The following GRM7 variants were observed in gnomAD, a reference collection of about 807,000 sequenced individuals.
GRM7 encodes glutamate metabotropic receptor 7.
Under a neutral mutation model 84.5 loss-of-function variants are expected in GRM7, and 35 were observed. That is an observed-to-expected ratio of 0.41 (90% confidence interval 0.32 to 0.55). The LOEUF (loss-of-function observed/expected upper bound fraction) is 0.55, where lower values mean the gene tolerates loss of function less well. Among genes scored for constraint, GRM7 ranks in the 20% least tolerant of loss-of-function variants. The pLI, the probability that GRM7 is intolerant of heterozygous loss-of-function variation, is 0.19. For missense variants in GRM7, 1,003 were observed against 1,194.6 expected, an observed-to-expected ratio of 0.84 and a Z score of 2.36; for synonymous variants, 487 against 455.1, an observed-to-expected ratio of 1.07 and a Z score of -0.89.
intron 5 of GRM7, among the ~76,000 whole-genome samples, chr3:7,451,167 A>G (rs1216574871): frequency 6.6e-6 from 1 of 152,216 alleles, no homozygotes; most frequent in Non-Finnish European, 1.5e-5. Context: ...TAGAGGGACA[A>G]GAGGTCTAGA....
At chr3:7,220,591 G>A (rs1696768154) in intron 2 of GRM7, among the ~76,000 whole-genome samples, 2 of 152,064 alleles carry the variant, frequency 1.3e-5, no homozygotes, top group Non-Finnish European at 2.9e-5. Context: ...AATTGGATTA[G>A]GAAAAGGGCA....
intron 4 of GRM7, among the ~76,000 whole-genome samples, chr3:7,410,612 C>CAG (rs1553585487): frequency 3.4e-5 from 5 of 149,184 alleles, no homozygotes; most frequent in Admixed American, 3.3e-4. Context: ...CACACACACA[C>CAG]ACACACACAC....
intron 4 of GRM7, among the ~76,000 whole-genome samples, chr3:7,356,061 G>A (rs1693384396): frequency 6.6e-6 from 1 of 152,104 alleles, no homozygotes; most frequent in Non-Finnish European, 1.5e-5. Context: ...AGTGCACCTG[G>A]TTGTGCACTT....
intron 8 of GRM7, among the ~76,000 whole-genome samples, chr3:7,603,204 A>C (rs2125072448): frequency 6.6e-6 from 1 of 152,248 alleles, no homozygotes; most frequent in Admixed American, 6.6e-5. Flanking sequence ...TTTCTTTCCC[A>C]AAGAGCTAGG....
At chr3:7,377,066 T>C (rs1213524185) in intron 4 of GRM7, among the ~76,000 whole-genome samples, 2 of 152,220 alleles carry the variant, frequency 1.3e-5, no homozygotes, top group Non-Finnish European at 2.9e-5. Flanking sequence ...AAAAAATCAA[T>C]TATTGAAAAA....
intron 8 of GRM7, among the ~76,000 whole-genome samples, chr3:7,665,290 G>A (rs1699645013): frequency 6.7e-6 from 1 of 150,220 alleles, no homozygotes; most frequent in South Asian, 2.1e-4. Context: ...TCCTGCCTCA[G>A]CCTCCCGAGT....
intron 8 of GRM7, among the ~76,000 whole-genome samples, chr3:7,675,136 T>A (rs1478893299): frequency 6.6e-6 from 1 of 152,216 alleles, no homozygotes; most frequent in Non-Finnish European, 1.5e-5. Flanking sequence ...ATTAAAGACA[T>A]CAATAGTAAT....
At chr3:7,590,510 C>T (rs899149109) in intron 8 of GRM7, among the ~76,000 whole-genome samples, 1 of 152,106 alleles carries the variant, frequency 6.6e-6, no homozygotes, top group African/African-American at 2.4e-5. Context: ...GGAACTTTAC[C>T]AGTAAAGCTT....
chr3:7,615,673 C>T lies in GRM7; in HGVS notation c.2451+36316C>T, dbSNP rs547862152. ...GGCCCTTTGAGGTTTCAAACCAAAG[C>T]CTGAATTTTATAAGGTTTTCCAGAA... is the stretch of plus-strand genomic sequence containing the variant. On this transcript the variant is annotated intron_variant, in intron 8 of 9. Transcript: ENST00000357716. Among the ~76,000 whole-genome samples the T allele has an allele frequency of 3.3e-5, 5 of 151,852 alleles. No individual in the cohort carries two copies. In the South Asian group the frequency reaches 1.0e-3, roughly 32 times the overall value.
chr3:6,896,980 TTGAA>T (rs1359225873), intron 1 of GRM7, among the ~76,000 whole-genome samples: 1 of 152,220 alleles, frequency 6.6e-6, no homozygotes, highest in Non-Finnish European at 1.5e-5. Context: ...GCCTAAGTGT[TTGAA>T]TGATCAGAAA....
chr3:7,419,299 G>A (rs553300962), intron 5 of GRM7, among the ~76,000 whole-genome samples: 10 of 152,248 alleles, frequency 6.6e-5, no homozygotes, highest in African/African-American at 2.2e-4. Context: ...TTAACACAGA[G>A]TGTGTGTCCA....
At chr3:7,493,490 T>C (rs1255011662) in intron 7 of GRM7, among the ~76,000 whole-genome samples, 1 of 152,022 alleles carries the variant, frequency 6.6e-6, no homozygotes, top group Non-Finnish European at 1.5e-5. Flanking sequence ...ATAGCCACTC[T>C]TGCTGTTTTT....
chr3:7,553,074 T>A (rs1366096659), intron 7 of GRM7, among the ~76,000 whole-genome samples: 1 of 152,220 alleles, frequency 6.6e-6, no homozygotes, highest in East Asian at 1.9e-4. Context: ...CCAAGTCACG[T>A]CTTGAATGCT....
chr3:7,014,836 G>A (rs550676066), intron 1 of GRM7, among the ~76,000 whole-genome samples: 39 of 152,208 alleles, frequency 2.6e-4, no homozygotes, highest in South Asian at 1.7e-3. Context: ...CTTCTGGGTC[G>A]GGTGGGGACT....
At chr3:7,599,867 G>T (rs1342294365) in intron 8 of GRM7, among the ~76,000 whole-genome samples, 2 of 151,998 alleles carry the variant, frequency 1.3e-5, no homozygotes, top group African/African-American at 2.4e-5. Context: ...GTCGTGGGGG[G>T]TGGGGTTACT....
rs539668854 is a variant in GRM7 at position 7,394,813 on chromosome 3, A to G, written c.1034-20210A>G. On this transcript the variant is annotated intron_variant, in intron 4 of 9. Transcript: ENST00000357716. ...AGCACTTTGGGAGGCCAAGGCGGGC[A>G]GGTCACCTGAGGACTGGAGTTCAAG... Among the ~76,000 whole-genome samples, 296 of 152,212 alleles carry G rather than the reference A, an allele frequency of 1.9e-3. 1 individual carries two copies. The highest frequency in any genetic ancestry group is 3.2e-3 in the Non-Finnish European group (221 of 68,006).
chr3:7,348,777 G>A (rs1281770924), intron 4 of GRM7, among the ~76,000 whole-genome samples: 1 of 152,070 alleles, frequency 6.6e-6, no homozygotes, highest in Non-Finnish European at 1.5e-5. Context: ...ATAGGGCCTG[G>A]CAATCTGTGT....
intron 1 of GRM7, among the ~76,000 whole-genome samples, chr3:6,998,487 T>C (rs1395910690): frequency 6.6e-6 from 1 of 152,186 alleles, no homozygotes; most frequent in African/African-American, 2.4e-5. Context: ...TGGAAAATGG[T>C]GATCCTCTTC....
chr3:7,477,507 C>T (rs949459410), intron 7 of GRM7, among the ~76,000 whole-genome samples: 1 of 152,130 alleles, frequency 6.6e-6, no homozygotes. Context: ...TTCAAAAAGA[C>T]ATTCATGAGT....
Sources: allele counts gnomAD v4.1 joint callset (sites outside exome capture counted in the v4.1 genomes callset), GRCh38; gene constraint gnomAD v4.1.1; transcripts MANE v1.5; gene names NCBI Gene and HGNC (gene_info 2026-07-23, HGNC 2026-07-21).